The following ADARB2 variants were observed in gnomAD, a reference collection of about 807,000 sequenced individuals.
ADARB2 encodes the protein adenosine deaminase RNA specific B2 (inactive).
A neutral mutation model predicts 62.2 loss-of-function variants in ADARB2; 25 were observed. The ratio of observed to expected loss-of-function variants is 0.40; its 90% confidence interval spans 0.29 to 0.56. The LOEUF (loss-of-function observed/expected upper bound fraction) is 0.56, where lower values mean the gene tolerates loss of function less well. Among genes scored for constraint, ADARB2 ranks in the 20% least tolerant of loss-of-function variants. The pLI is 0.43. For synonymous variants in ADARB2, 572 were observed against 500.8 expected, an observed-to-expected ratio of 1.14 and a Z score of -1.90; for missense variants, 1,071 against 1,077.4, an observed-to-expected ratio of 0.99 and a Z score of 0.08.
At chr10:1,729,654 A>G (rs1164161082) in intron 1 of ADARB2, among the ~76,000 whole-genome samples, 3 of 152,246 alleles carry the variant, frequency 2.0e-5, no homozygotes, top group Admixed American at 6.5e-5. Context: ...TTTAATCATT[A>G]TCAGCGCCCT....
At chr10:1,257,187 C>G (rs1019683374) in intron 4 of ADARB2, among the ~76,000 whole-genome samples, 1 of 152,190 alleles carries the variant, frequency 6.6e-6, no homozygotes, top group Non-Finnish European at 1.5e-5. Context: ...GTGAGTTCCC[C>G]TGGGCTCAAA....
intron 4 of ADARB2, among the ~76,000 whole-genome samples, chr10:1,261,503 ACTT>A (rs1831136522): frequency 6.6e-6 from 1 of 150,456 alleles, no homozygotes; most frequent in Non-Finnish European, 1.5e-5. Flanking sequence ...ATGAACAGAC[ACTT>A]CTCAAAAGAA....
intron 7 of ADARB2, among the ~76,000 whole-genome samples, chr10:1,203,445 G>A (rs983478145): frequency 2.0e-5 from 3 of 152,242 alleles, no homozygotes; most frequent in Middle Eastern, 3.2e-3. Flanking sequence ...GTTTTCCGCC[G>A]TGACGCGGCC....
chr10:1,405,756 A>C (rs2001197), intron 1 of ADARB2, among the ~76,000 whole-genome samples: 26,581 of 151,900 alleles, frequency 0.17, 3,090 homozygotes, highest in East Asian at 0.45. Flanking sequence ...CATTTATTAA[A>C]CCCCCTAGAT....
chr10:1,500,318 C>T (rs776709695), intron 1 of ADARB2, among the ~76,000 whole-genome samples: 29 of 152,200 alleles, frequency 1.9e-4, no homozygotes, highest in Non-Finnish European at 2.2e-4. Flanking sequence ...GACATTTAAC[C>T]TAAGTGTTAC....
intron 3 of ADARB2, among the ~76,000 whole-genome samples, chr10:1,275,531 A>T (rs1831307490): frequency 6.6e-6 from 1 of 151,620 alleles, no homozygotes; most frequent in Non-Finnish European, 1.5e-5. Flanking sequence ...TTTTAATTTA[A>T]GTTTTAGGGT....
At chr10:1,566,063 CAAAAAAAAAAA>C (rs376967105) in intron 1 of ADARB2, among the ~76,000 whole-genome samples, 49,031 of 128,168 alleles carry the variant, frequency 0.38, 10,007 homozygotes, top group East Asian at 0.64. Flanking sequence ...CTCAGTCTAG[CAAAAAAAAAAA>C]AAAAAAAAAA....
chr10:1,708,336 C>T (rs1225470803), intron 1 of ADARB2, among the ~76,000 whole-genome samples: 1 of 152,182 alleles, frequency 6.6e-6, no homozygotes, highest in Non-Finnish European at 1.5e-5. Context: ...TTAACCAGGG[C>T]AGACCCCACA....
chr10:1,609,471 T>A (rs781131644), intron 1 of ADARB2, among the ~76,000 whole-genome samples: 1 of 152,218 alleles, frequency 6.6e-6, no homozygotes, highest in Non-Finnish European at 1.5e-5. Context: ...CCAAGAAGCC[T>A]CCTGGCCCGA....
Position 1,580,472 on chromosome 10 carries a change from T to C in ADARB2, c.100+156579A>G, listed in dbSNP as rs535794999. Among the ~76,000 whole-genome samples the C allele has an allele frequency of 1.2e-3, 176 of 152,186 alleles. 1 individual carries two copies. The highest frequency in any genetic ancestry group is 4.1e-3 in the African/African-American group (171 of 41,562). On this transcript the variant is annotated intron_variant, in intron 1 of 9. Coordinates refer to ENST00000381312, the MANE Select transcript of ADARB2 (RefSeq NM_018702.4). ...TGTAACTTATCTCTTCACGGGTCTT[T>C]CTTTCTGAGATGAGAAAATTTGTCT...
chr10:1,418,331 C>T (rs536363511), intron 1 of ADARB2, among the ~76,000 whole-genome samples: 33 of 152,286 alleles, frequency 2.2e-4, no homozygotes, highest in Middle Eastern at 6.8e-3. Flanking sequence ...TAAGATGCAG[C>T]GGGGACCTGC....
intron 1 of ADARB2, among the ~76,000 whole-genome samples, chr10:1,596,879 C>G (rs111552718): frequency 0.02 from 3,064 of 152,214 alleles, 87 homozygotes; most frequent in African/African-American, 0.07. Flanking sequence ...AGGGTTTAGT[C>G]TTTTATTCCA....
rs531214796 is a variant in ADARB2 at position 1,219,994 on chromosome 10, GTGA to G, written c.1514-2878_1514-2876del. Reference sequence around the variant, plus strand: ...GATGATGGTGATGGTGGTGATGATGGTGATGATGATGGTAATGGTGATGGTGAT... The same window carrying G: ...GATGATGGTGATGGTGGTGATGATGGTGATGATGGTAATGGTGATGGTGAT... On this transcript the variant is annotated intron_variant, in intron 6 of 9. Transcript: ENST00000381312. Among the ~76,000 whole-genome samples the G allele has an allele frequency of 2.9e-3, 414 of 142,964 alleles. 2 individuals are homozygous for G. Among genetic ancestry groups the G allele is most frequent in the African/African-American group, 9.2e-3 (354 of 38,344 alleles). The allele number at this position is 142,964 out of a possible 152,430, so 93.8% of individuals were successfully genotyped here. A position where few individuals can be genotyped will look rare whatever the true frequency, so the allele number is the denominator to read the frequency against.
At chr10:1,710,564 T>G (rs1020363215) in intron 1 of ADARB2, among the ~76,000 whole-genome samples, 4 of 152,218 alleles carry the variant, frequency 2.6e-5, no homozygotes, top group African/African-American at 4.8e-5. Flanking sequence ...CCCACTGTCC[T>G]TGCCACTTAT....
intron 1 of ADARB2, among the ~76,000 whole-genome samples, chr10:1,550,192 C>T (rs375816749): frequency 1.3e-5 from 2 of 152,180 alleles, no homozygotes; most frequent in African/African-American, 4.8e-5. Context: ...CCACCTGCTC[C>T]ACTGTACTCG....
rs1050789599 is a variant in ADARB2, at chr10:1,548,545, G to A, written c.101-169385C>T. Among the ~76,000 whole-genome samples, 7 of 152,196 alleles carry A rather than the reference G, an allele frequency of 4.6e-5. No individual in the cohort carries two copies. In the East Asian group the frequency reaches 5.8e-4, roughly 13 times the overall value. ...AATTTGGGAAGGCCAGTGAGATATC[G>A]CAGCCAAGATACCCCAGAGGCAGTG... On this transcript the variant is annotated intron_variant, in intron 1 of 9. Coordinates refer to ENST00000381312, the MANE Select transcript of ADARB2 (RefSeq NM_018702.4).
At chr10:1,688,550 A>C (rs959224074) in intron 1 of ADARB2, among the ~76,000 whole-genome samples, 4 of 152,192 alleles carry the variant, frequency 2.6e-5, no homozygotes, top group Admixed American at 1.3e-4. Context: ...GGTGGCTTGA[A>C]AACATCACTG....
intron 1 of ADARB2, among the ~76,000 whole-genome samples, chr10:1,594,034 G>A (rs567197641): frequency 2.0e-5 from 3 of 152,268 alleles, no homozygotes; most frequent in African/African-American, 4.8e-5. Flanking sequence ...GCTCATGCTT[G>A]TAATCCCAGC....
chr10:1,247,206 C>T (rs912168538), intron 4 of ADARB2, among the ~76,000 whole-genome samples: 58 of 152,256 alleles, frequency 3.8e-4, no homozygotes, highest in African/African-American at 1.2e-3. Flanking sequence ...CTGAAGTTGC[C>T]TGTCAGCTTA....
Sources: gnomAD v4.1 joint callset for allele counts (sites outside exome capture counted in the v4.1 genomes callset) on GRCh38, gnomAD v4.1.1 for gene constraint, MANE v1.5 for transcripts, NCBI Gene and HGNC (gene_info 2026-07-23, HGNC 2026-07-21) for gene names.